Variants in TGFB2 observed in about 807,000 individuals in gnomAD.
TGFB2 encodes the protein transforming growth factor beta 2.
In TGFB2, 13 loss-of-function variants were observed where a neutral mutation model predicts 42.7. That is an observed-to-expected ratio of 0.30 (90% CI 0.20 to 0.48). The LOEUF (loss-of-function observed/expected upper bound fraction) is 0.48, where lower values mean the gene tolerates loss of function less well. Among genes scored for constraint, TGFB2 ranks in the 20% least tolerant of loss-of-function variants. TGFB2 has a pLI of 0.99. For synonymous variants in TGFB2, 193 were observed against 193.6 expected (o/e 1.00, Z 0.03); for missense variants, 390 against 517.5 (o/e 0.75, Z 2.39).
intron 1 of TGFB2, among the ~76,000 whole-genome samples, chr1:218,348,184 C>G (rs1007162718): frequency 2.6e-5 from 4 of 152,086 alleles, no homozygotes; most frequent in Non-Finnish European, 5.9e-5. Flanking sequence ...TGGGGGGAAC[C>G]TCTTCAACAT....
rs948445956 is a variant in TGFB2 at position 218,381,854 on chromosome 1, C to T, written c.347-23315C>T. Among the ~76,000 whole-genome samples, 43 of 152,118 alleles carry T rather than the reference C, an allele frequency of 2.8e-4. 1 individual carries two copies. The highest frequency in any genetic ancestry group is 2.4e-3 in the Admixed American group (36 of 15,276). ...AGGGGTGTGTGTGTGTGTGTGCACA[C>T]GCGCGTGCCTATGCACACAATGGGG... is the stretch of plus-strand genomic sequence containing the variant. On this transcript the variant is annotated intron_variant, in intron 1 of 6. Transcript: ENST00000366930.
rs1660239756 is a variant in TGFB2 at position 218,443,950 on chromosome 1, G to A, written c.*2588G>A. The A allele has an allele frequency of 1.3e-5, 2 of 152,136 alleles. No individual in the cohort carries two copies. The highest frequency in any genetic ancestry group is 2.9e-5 in the Non-Finnish European group (2 of 68,022). 9.4% of individuals were successfully genotyped at this position (152,136 alleles called of 1,614,324 possible). A position where few individuals can be genotyped will look rare whatever the true frequency, so the allele number is the denominator to read the frequency against. On this transcript the variant is annotated 3_prime_UTR_variant, in exon 7 of 7. Coordinates refer to ENST00000366930, the MANE Select transcript of TGFB2 (RefSeq NM_003238.6). ...TACGCTGTATTTTAACACGATGTAT[G>A]TCTGTTTTTGTGGTGCTCTAGTGGT...
At chr1:218,398,173 TGA>T (rs1445583680) in intron 1 of TGFB2, among the ~76,000 whole-genome samples, 1 of 152,266 alleles carries the variant, frequency 6.6e-6, no homozygotes, top group Non-Finnish European at 1.5e-5. Context: ...CAAACTTTGA[TGA>T]AATGGTGCCA....
At chr1:218,392,049 G>A (rs1020902129) in intron 1 of TGFB2, among the ~76,000 whole-genome samples, 2 of 152,110 alleles carry the variant, frequency 1.3e-5, no homozygotes, top group Non-Finnish European at 2.9e-5. Flanking sequence ...GCAAAAACTG[G>A]CTTCAAAAAC....
At chr1:218,440,299 C>G (rs1214544911) in intron 6 of TGFB2, among the ~76,000 whole-genome samples, 2 of 149,980 alleles carry the variant, frequency 1.3e-5, no homozygotes, top group Non-Finnish European at 3.0e-5. Flanking sequence ...ACTTTTATGT[C>G]ATTTCTAGCA....
At chr1:218,354,870 A>G (rs1200785752) in intron 1 of TGFB2, among the ~76,000 whole-genome samples, 1 of 152,162 alleles carries the variant, frequency 6.6e-6, no homozygotes, top group Admixed American at 6.5e-5. Context: ...CTTAATTGAT[A>G]CAAAAAGTGT....
At chr1:218,437,568 G>C in intron 6 of TGFB2, 72 bp downstream of exon 6, 1 of 1,471,390 alleles carries the variant, frequency 6.8e-7, no homozygotes, top group Admixed American at 2.2e-5. Flanking sequence ...ATTTCCAAAT[G>C]AGTTGTAATT....
At chr1:218,372,361 C>T (rs1195428792) in intron 1 of TGFB2, among the ~76,000 whole-genome samples, 1 of 152,124 alleles carries the variant, frequency 6.6e-6, no homozygotes, top group African/African-American at 2.4e-5. Flanking sequence ...TGGATTGTAT[C>T]TTTGCTCTGA....
chr1:218,421,954 C>T (rs1295997700), intron 2 of TGFB2, among the ~76,000 whole-genome samples: 2 of 152,136 alleles, frequency 1.3e-5, no homozygotes, highest in African/African-American at 2.4e-5. Context: ...TCCCTGGAGG[C>T]GTCAGAGAGA....
chr1:218,407,760 G>T (rs79017906), intron 2 of TGFB2, among the ~76,000 whole-genome samples: 13,444 of 152,032 alleles, frequency 0.088, 685 homozygotes, highest in East Asian at 0.16. Flanking sequence ...AATCCACCTC[G>T]GACTCCCAAG....
intron 1 of TGFB2, among the ~76,000 whole-genome samples, chr1:218,382,250 C>T (rs188429391): frequency 6.4e-4 from 97 of 152,290 alleles, no homozygotes; most frequent in African/African-American, 2.3e-3. Flanking sequence ...AAATATCTTG[C>T]CCAGAGGCCC....
chr1:218,441,343 A>G lies in TGFB2; in HGVS notation c.1226A>G (p.Lys409Arg), dbSNP rs750218692. 2 of 1,603,400 alleles carry G rather than the reference A, an allele frequency of 1.2e-6. No individual in the cohort carries two copies. The highest frequency in any genetic ancestry group is 4.5e-5 in the East Asian group (2 of 44,808). Residue 409 changes from lysine to arginine, a missense_variant, in exon 7 of 7, where the codon AAG becomes AGG. Transcript: ENST00000366930. ...KIEQLSNMIV[K>R]SCKCS ...GAACAGCTTTCTAATATGATTGTAA[A>G]GTCTTGCAAATGCAGCTAAAATTCT...
chr1:218,366,497 G>T (rs547930404), intron 1 of TGFB2, among the ~76,000 whole-genome samples: 2 of 152,100 alleles, frequency 1.3e-5, no homozygotes, highest in Non-Finnish European at 2.9e-5. Flanking sequence ...TTTTTTTAGA[G>T]ATGGGGTCTT....
chr1:218,389,055 G>A (rs1658231321), intron 1 of TGFB2, among the ~76,000 whole-genome samples: 1 of 152,040 alleles, frequency 6.6e-6, no homozygotes, highest in Non-Finnish European at 1.5e-5. Flanking sequence ...GAAGTCTGGG[G>A]GAGTCACTTA....
At chr1:218,369,807 A>C (rs1164277787) in intron 1 of TGFB2, among the ~76,000 whole-genome samples, 1 of 152,224 alleles carries the variant, frequency 6.6e-6, no homozygotes, top group Non-Finnish European at 1.5e-5. Context: ...GGATCTGTCC[A>C]GCTGTGCTCT....
intron 2 of TGFB2, among the ~76,000 whole-genome samples, chr1:218,417,675 G>A (rs1659326094): frequency 6.6e-6 from 1 of 152,194 alleles, no homozygotes; most frequent in Admixed American, 6.5e-5. Flanking sequence ...TCCCATCATA[G>A]GCCTAAAGGC....
chr1:218,385,792 A>G (rs1239071142), intron 1 of TGFB2, among the ~76,000 whole-genome samples: 1 of 152,208 alleles, frequency 6.6e-6, no homozygotes, highest in East Asian at 1.9e-4. Context: ...CTGAAGAATT[A>G]AGCTGTTAGA....
Position 218,405,241 on chromosome 1 carries a change from A to G in TGFB2, c.419A>G (p.Asn140Ser). The change falls in exon 2 of 7, where the codon AAT becomes AGT. Residue 140 changes from asparagine (N) to serine (S), a missense_variant. Transcript: ENST00000366930. ...VRFDVSAMEKNASNLVKAEFR... is the reference protein window; with the variant it reads ...VRFDVSAMEKSASNLVKAEFR... Reference sequence around the variant, plus strand: ...TTTGACGTCTCAGCAATGGAGAAGAATGCTTCCAATTTGGTGAAAGCAGAG... The same window carrying G: ...TTTGACGTCTCAGCAATGGAGAAGAGTGCTTCCAATTTGGTGAAAGCAGAG... 1 of 1,614,144 alleles carries G rather than the reference A, an allele frequency of 6.2e-7. No homozygotes were observed. The highest frequency in any genetic ancestry group is 8.5e-7 in the Non-Finnish European group (1 of 1,179,966).
chr1:218,381,256 TTG>T (rs1657949555), intron 1 of TGFB2, among the ~76,000 whole-genome samples: 2 of 130,956 alleles, frequency 1.5e-5, no homozygotes, highest in African/African-American at 5.5e-5. Context: ...GTTTTTGTTT[TTG>T]TTTTTTTTTT....
Sources: gnomAD v4.1 joint callset for allele counts (sites outside exome capture counted in the v4.1 genomes callset) on GRCh38, gnomAD v4.1.1 for gene constraint, MANE v1.5 for transcripts, NCBI Gene and HGNC (gene_info 2026-07-23, HGNC 2026-07-21) for gene names.